CALN1: variants seen among roughly 807,000 people sequenced by gnomAD.
The protein encoded by CALN1 is calneuron 1, also known as calcium-binding protein 8.
A neutral mutation model predicts 30.6 loss-of-function variants in CALN1; 17 were observed. The observed-to-expected ratio is 0.56, with a 90% CI of 0.38 to 0.83. The LOEUF (loss-of-function observed/expected upper bound fraction) is 0.83. Ranked by LOEUF, CALN1 falls within the 40% of genes least tolerant of loss-of-function variation. The pLI is 0.00. For missense variants in CALN1, 291 were observed against 354.9 expected (o/e 0.82, Z 1.45); for synonymous variants, 156 against 131.4 (o/e 1.19, Z -1.28).
chr7:72,459,651 G>C, the CALN1 span, among the ~76,000 whole-genome samples: 1 of 145,234 alleles, frequency 6.9e-6, no homozygotes, highest in Admixed American at 6.9e-5. Context: ...AAAAAGGCTA[G>C]ACCAACCTAA....
chr7:72,115,186 A>G (rs927248234), intron 3 of CALN1, among the ~76,000 whole-genome samples: 3 of 147,296 alleles, frequency 2.0e-5, no homozygotes, highest in Non-Finnish European at 4.5e-5. Context: ...TATATATTAT[A>G]CAATTATATA....
chr7:72,205,542 C>CAAA (rs375314989), intron 3 of CALN1, among the ~76,000 whole-genome samples: 954 of 52,830 alleles, frequency 0.018, 44 homozygotes, highest in African/African-American at 0.094. Context: ...CTCCTGATTG[C>CAAA]AAAAAAAAAA....
At chr7:72,397,750 A>ACACACACACACC (rs1491117589) in intron 2 of CALN1, among the ~76,000 whole-genome samples, 3 of 144,198 alleles carry the variant, frequency 2.1e-5, no homozygotes, top group Admixed American at 7.0e-5. Context: ...ACACACACAC[A>ACACACACACACC]CCTTGCTCCA....
chr7:72,431,543 G>T (rs981291742), intron 1 of CALN1, among the ~76,000 whole-genome samples: 9 of 152,160 alleles, frequency 5.9e-5, no homozygotes, highest in Admixed American at 5.9e-4. Flanking sequence ...TAATCTAAGC[G>T]CTAAGTCAGA....
chr7:72,173,163 A>G (rs891043663), intron 3 of CALN1, among the ~76,000 whole-genome samples: 4 of 152,118 alleles, frequency 2.6e-5, no homozygotes, highest in African/African-American at 4.8e-5. Context: ...TCTATATAGG[A>G]GCAGAACAAA....
intron 3 of CALN1, among the ~76,000 whole-genome samples, chr7:72,216,920 T>G (rs1792859452): frequency 6.6e-6 from 1 of 152,028 alleles, no homozygotes; most frequent in Non-Finnish European, 1.5e-5. Flanking sequence ...CCCACTGATT[T>G]TTTTTAAGAG....
At chr7:72,029,366 A>G (rs936770652) in intron 4 of CALN1, among the ~76,000 whole-genome samples, 8 of 152,092 alleles carry the variant, frequency 5.3e-5, no homozygotes, top group African/African-American at 1.7e-4. Context: ...CGCCCACCTC[A>G]GCCTCCCAAA....
chr7:72,118,556 A>G (rs1181848124), intron 3 of CALN1, among the ~76,000 whole-genome samples: 2 of 152,244 alleles, frequency 1.3e-5, no homozygotes, highest in Admixed American at 1.3e-4. Context: ...CATGCCAGGT[A>G]GGTTAAAGCT....
chr7:71,815,944 C>T (rs1393864053), intron 5 of CALN1, among the ~76,000 whole-genome samples: 1 of 151,110 alleles, frequency 6.6e-6, no homozygotes, highest in Non-Finnish European at 1.5e-5. Context: ...GTAGTGCGAT[C>T]ATAGCTTACC....
intron 5 of CALN1, among the ~76,000 whole-genome samples, chr7:71,949,225 G>A (rs1189165474): frequency 1.3e-5 from 2 of 152,052 alleles, no homozygotes; most frequent in Non-Finnish European, 2.9e-5. Flanking sequence ...GGAACATAAG[G>A]ACTTCCTAGA....
chr7:72,193,889 C>G (rs747201386), intron 3 of CALN1, among the ~76,000 whole-genome samples: 3 of 151,678 alleles, frequency 2.0e-5, no homozygotes, highest in African/African-American at 7.3e-5. Context: ...TCTTCTCACT[C>G]GTAAGTGAAA....
chr7:71,872,037 T>C (rs1462951634), intron 5 of CALN1, among the ~76,000 whole-genome samples: 1 of 152,216 alleles, frequency 6.6e-6, no homozygotes, highest in African/African-American at 2.4e-5. Context: ...ATAAGATAAC[T>C]TTTAATGTTA....
In CALN1 at chr7:72,155,126, T is replaced by C. The variant is rs181698332; in HGVS notation, c.245-48832A>G. ...GAAACACCAGGGATCTCACTTTCTC[T>C]CCCTGCATGCCCAGAGGGAAGGACA... On this transcript the variant is annotated intron_variant, in intron 3 of 6. Coordinates refer to ENST00000395275, the MANE Select transcript of CALN1 (RefSeq NM_031468.4). Among the ~76,000 whole-genome samples, 18 of 152,192 alleles carry C rather than the reference T, an allele frequency of 1.2e-4. No homozygotes were observed. The East Asian group carries it at 3.5e-3, about 29-fold the overall frequency.
chr7:72,372,728 C>T (rs1804318670), intron 2 of CALN1, among the ~76,000 whole-genome samples: 1 of 152,128 alleles, frequency 6.6e-6, no homozygotes, highest in African/African-American at 2.4e-5. Context: ...TAAAATTGGT[C>T]AGAACTTGAG....
intron 5 of CALN1, among the ~76,000 whole-genome samples, chr7:71,889,929 C>A (rs1393938962): frequency 2.7e-5 from 4 of 148,692 alleles, no homozygotes; most frequent in Admixed American, 2.0e-4. Context: ...TGCACTACTG[C>A]ACACCAGCCT....
intron 6 of CALN1, among the ~76,000 whole-genome samples, 154 bp from the exon 7 acceptor site, chr7:71,788,056 T>C (rs736145): frequency 0.2 from 30,195 of 152,056 alleles, 4,588 homozygotes; most frequent in East Asian, 0.53. Flanking sequence ...TTGACAGGCA[T>C]TTATGGGACC....
chr7:72,166,098 T>A (rs973026010), intron 3 of CALN1, among the ~76,000 whole-genome samples: 2 of 152,236 alleles, frequency 1.3e-5, no homozygotes, highest in South Asian at 4.1e-4. Context: ...ACTAGCCATG[T>A]ATTACAGTCC....
At chr7:72,107,468 G>A (rs946717286) in intron 3 of CALN1, among the ~76,000 whole-genome samples, 21 of 152,182 alleles carry the variant, frequency 1.4e-4, no homozygotes, top group Admixed American at 2.6e-4. Flanking sequence ...TTGACTCTGC[G>A]GTCAGCAAGG....
chr7:71,876,868 T>G (rs1055803037), intron 5 of CALN1, among the ~76,000 whole-genome samples: 6 of 152,210 alleles, frequency 3.9e-5, no homozygotes, highest in Non-Finnish European at 5.9e-5. Flanking sequence ...TGATTACCTT[T>G]TATCTGTCGT....
Sources: gnomAD v4.1 joint callset for allele counts (sites outside exome capture counted in the v4.1 genomes callset) on GRCh38, gnomAD v4.1.1 for gene constraint, MANE v1.5 for transcripts, NCBI Gene and HGNC (gene_info 2026-07-23, HGNC 2026-07-21) for gene names.